Variants in NCOA1 observed in about 807,000 individuals in gnomAD.
NCOA1 encodes nuclear receptor coactivator 1.
In NCOA1, 35 loss-of-function variants were observed where a neutral mutation model predicts 150.9. The ratio of observed to expected loss-of-function variants is 0.23; its 90% CI spans 0.18 to 0.31. The LOEUF is 0.31. Ranked by LOEUF, NCOA1 falls within the 10% of genes least tolerant of loss-of-function variation. The probability of loss-of-function intolerance (pLI) is 1.00; values close to 1 mark genes in which losing one functional copy is unlikely to be tolerated. For synonymous variants in NCOA1, 590 were observed against 630.0 expected (o/e 0.94, Z 0.95); for missense variants, 1,491 against 1,749.3 (o/e 0.85, Z 2.63).
chr2:24,697,882 A>C, intron 11 of NCOA1, 84 bp downstream of exon 11: 1 of 1,344,726 alleles, frequency 7.4e-7, no homozygotes, highest in South Asian at 1.5e-5. Context: ...ATGGCTTGAT[A>C]AGTATTTTCT....
intron 3 of NCOA1, among the ~76,000 whole-genome samples, chr2:24,616,044 C>G (rs975054711): frequency 1.3e-5 from 2 of 152,154 alleles, no homozygotes; most frequent in East Asian, 1.9e-4. Flanking sequence ...AAAAATGGCA[C>G]TCTTTATATG....
intron 6 of NCOA1, 144 bp from the exon 7 acceptor site, chr2:24,673,222 A>G (rs939308216): frequency 2.1e-6 from 1 of 487,414 alleles, no homozygotes; most frequent in African/African-American, 2.0e-5. Flanking sequence ...AAATGAGTAT[A>G]ATTAAGATTA....
intron 6 of NCOA1, among the ~76,000 whole-genome samples, chr2:24,671,910 A>G (rs1671702046): frequency 6.6e-6 from 1 of 152,122 alleles, no homozygotes; most frequent in African/African-American, 2.4e-5. Context: ...AATACTTACT[A>G]CAATGTAAAG....
At chr2:24,640,706 C>T (rs1670174199) in intron 3 of NCOA1, among the ~76,000 whole-genome samples, 1 of 152,072 alleles carries the variant, frequency 6.6e-6, no homozygotes, top group South Asian at 2.1e-4. Context: ...AGAAACTTCC[C>T]TTTTTATGTT....
At chr2:24,632,637 G>A (rs980650073) in intron 3 of NCOA1, among the ~76,000 whole-genome samples, 1 of 152,132 alleles carries the variant, frequency 6.6e-6, no homozygotes. Context: ...TAGCATCCAG[G>A]CAGGAAATAG....
At chr2:24,754,697 G>A (rs1343129725) in intron 20 of NCOA1, among the ~76,000 whole-genome samples, 1 of 152,172 alleles carries the variant, frequency 6.6e-6, no homozygotes, top group Non-Finnish European at 1.5e-5. Context: ...CATACTGTGT[G>A]ATAGTCTATT....
Position 24,656,274 on chromosome 2 carries a change from A to G in NCOA1, c.-17-2387A>G, listed in dbSNP as rs185030802. Reference sequence around the variant, plus strand: ...AGTGTTTAATCCAGGATTTAAACAAAGTTTTTCTGGCCCCAAAGCCCATGC... The same window carrying G: ...AGTGTTTAATCCAGGATTTAAACAAGGTTTTTCTGGCCCCAAAGCCCATGC... On this transcript the variant is annotated intron_variant, in intron 4 of 22. Transcript: ENST00000348332. 9.9e-5 allele frequency among the ~76,000 whole-genome samples: 15 copies of G among 152,194 alleles called. No individual in the cohort carries two copies. The East Asian group carries it at 2.3e-3, about 23-fold the overall frequency.
chr2:24,573,500 T>C (rs1468833527), intron 2 of NCOA1, among the ~76,000 whole-genome samples: 2 of 152,150 alleles, frequency 1.3e-5, no homozygotes, highest in Non-Finnish European at 2.9e-5. Context: ...ATGGATGCAT[T>C]TAATGCTAGT....
At chr2:24,519,885 T>G (rs1440586869) in intron 1 of NCOA1, among the ~76,000 whole-genome samples, 1 of 152,158 alleles carries the variant, frequency 6.6e-6, no homozygotes, top group South Asian at 2.1e-4. Flanking sequence ...AAGGATTTAA[T>G]TCCAGAATAT....
chr2:24,560,830 G>T (rs982422236), intron 1 of NCOA1, among the ~76,000 whole-genome samples: 1 of 152,122 alleles, frequency 6.6e-6, no homozygotes, highest in African/African-American at 2.4e-5. Context: ...ATAAAGTGAC[G>T]TACAAGGAAG....
chr2:24,591,505 G>C (rs562697587), intron 3 of NCOA1, among the ~76,000 whole-genome samples: 1 of 152,290 alleles, frequency 6.6e-6, no homozygotes, highest in East Asian at 1.9e-4. Context: ...GGCTCAAAAA[G>C]TTAGCTTCCA....
intron 1 of NCOA1, among the ~76,000 whole-genome samples, chr2:24,563,395 C>T (rs373226541): frequency 2.0e-5 from 3 of 152,142 alleles, no homozygotes; most frequent in African/African-American, 4.8e-5. Flanking sequence ...GTATAATGAC[C>T]GTCTCTGGAG....
chr2:24,768,097 T>C (rs1665157410), intron 22 of NCOA1, 124 bp from the exon 23 acceptor site: 1 of 1,613,494 alleles, frequency 6.2e-7, no homozygotes, highest in African/African-American at 1.3e-5. Context: ...GACAGAAGAG[T>C]TCTTCTCTGT....
intron 4 of NCOA1, among the ~76,000 whole-genome samples, chr2:24,646,302 A>G (rs1670471698): frequency 1.3e-5 from 2 of 152,250 alleles, no homozygotes; most frequent in African/African-American, 4.8e-5. Context: ...TACCATTACG[A>G]TGACAATGAT....
intron 14 of NCOA1, among the ~76,000 whole-genome samples, chr2:24,722,329 A>G (rs1428118112): frequency 6.6e-6 from 1 of 152,218 alleles, no homozygotes; most frequent in African/African-American, 2.4e-5. Flanking sequence ...TTATGAGGGT[A>G]CTGTTGATCA....
intron 3 of NCOA1, among the ~76,000 whole-genome samples, chr2:24,610,584 A>AT (rs1272688113): frequency 6.6e-6 from 1 of 151,574 alleles, no homozygotes; most frequent in African/African-American, 2.4e-5. Context: ...TTGCCCATTC[A>AT]TTTTTTATAT....
intron 1 of NCOA1, among the ~76,000 whole-genome samples, chr2:24,532,146 A>C (rs771411228): frequency 6.6e-6 from 1 of 152,186 alleles, no homozygotes; most frequent in Non-Finnish European, 1.5e-5. Flanking sequence ...GATGATCGCC[A>C]TTCTAACTGG....
intron 2 of NCOA1, among the ~76,000 whole-genome samples, chr2:24,582,362 CA>C (rs1160341117): frequency 1.3e-5 from 2 of 151,824 alleles, no homozygotes; most frequent in Admixed American, 6.6e-5. Context: ...ACAATAACCA[CA>C]AAAAAACCCC....
chr2:24,494,540 T>C (rs1029431617), intron 1 of NCOA1, among the ~76,000 whole-genome samples: 1 of 152,088 alleles, frequency 6.6e-6, no homozygotes, highest in Non-Finnish European at 1.5e-5. Flanking sequence ...GCATAGGAGA[T>C]CCCCGGGACG....
Sources: gnomAD v4.1 joint callset for allele counts (sites outside exome capture counted in the v4.1 genomes callset) on GRCh38, gnomAD v4.1.1 for gene constraint, MANE v1.5 for transcripts, NCBI Gene and HGNC (gene_info 2026-07-23, HGNC 2026-07-21) for gene names.